Variants in NBAS observed in about 807,000 individuals in gnomAD.
NBAS encodes the protein NAG/BC035112 fusion.
NBAS carries 219 observed loss-of-function variants against 302.5 expected under a neutral mutation model. The ratio of observed to expected loss-of-function variants is 0.72; its 90% confidence interval spans 0.65 to 0.81. NBAS has a LOEUF of 0.81. NBAS is among the 30% of genes least tolerant of loss of function. The pLI is 0.00. For synonymous variants in NBAS, 1,118 were observed against 1,021.6 expected, an observed-to-expected ratio of 1.09 and a Z score of -1.80; for missense variants, 2,932 against 2,841.6, an observed-to-expected ratio of 1.03 and a Z score of -0.72.
the NBAS span, among the ~76,000 whole-genome samples, chr2:15,098,074 G>GTATATAATA: frequency 0.056 from 2 of 36 alleles, 1 homozygote; most frequent in Non-Finnish European, 0.083. Context: ...ATATTATATT[G>GTATATAATA]TATATATTAT....
chr2:15,167,102 G>T lies in NBAS; in HGVS notation c.7062C>A (p.His2354Gln). The T allele has an allele frequency of 1.2e-6, 2 of 1,613,384 alleles. No individual in the cohort carries two copies. The highest frequency in any genetic ancestry group is 1.7e-6 in the Non-Finnish European group (2 of 1,179,488). Residue 2354 changes from histidine (H) to glutamine (Q), a missense_variant, in exon 52 of 52, where the codon CAC becomes CAA. Physicochemically the swap from His to Gln is conservative, Grantham distance 24. Transcript: ENST00000281513. ...GSLLLAVRGT[H>Q]QAFRTFSTAL... ...CTGTACTGAAGGTTCTGAAGGCCTG[G>T]TGAGTCCCCCTCACGGCCAGAAGGA...
chr2:15,515,009 C>G (rs1243103445), intron 9 of NBAS, among the ~76,000 whole-genome samples: 1 of 152,164 alleles, frequency 6.6e-6, no homozygotes, highest in Non-Finnish European at 1.5e-5. Flanking sequence ...TCCAATCAGA[C>G]AGATAGCAGC....
At chr2:14,871,238 AT>A in the NBAS span, among the ~76,000 whole-genome samples, 3 of 152,036 alleles carry the variant, frequency 2.0e-5, no homozygotes, top group African/African-American at 7.2e-5. Context: ...GAAAAAAAAA[AT>A]CTAAAGAAAA....
intron 40 of NBAS, 119 bp downstream of exon 40, chr2:15,308,097 T>C (rs1671109415): frequency 2.7e-6 from 4 of 1,480,926 alleles, no homozygotes; most frequent in Middle Eastern, 1.8e-4. Context: ...TGCCTGCCAC[T>C]TGGAATACAT....
intron 35 of NBAS, among the ~76,000 whole-genome samples, chr2:15,342,539 G>T (rs1176036352): frequency 6.6e-5 from 10 of 152,030 alleles, no homozygotes; most frequent in Admixed American, 6.6e-4. Context: ...CAGAAAATCT[G>T]TCTGTACTTA....
chr2:15,393,609 A>ATAAAT, intron 28 of NBAS: 1 of 453,370 alleles, frequency 2.2e-6, no homozygotes, highest in Non-Finnish European at 4.6e-6. Flanking sequence ...TTTGTCTGAG[A>ATAAAT]GAAATGAAAG....
the NBAS span, among the ~76,000 whole-genome samples, chr2:14,839,875 G>C: frequency 6.6e-6 from 1 of 151,716 alleles, no homozygotes; most frequent in Admixed American, 6.6e-5. Context: ...AGACACAAAG[G>C]TACATCCACA....
intron 48 of NBAS, among the ~76,000 whole-genome samples, chr2:15,211,405 T>C (rs1666404154): frequency 6.6e-6 from 1 of 152,254 alleles, no homozygotes; most frequent in African/African-American, 2.4e-5. Flanking sequence ...GTAGCTTTGT[T>C]ATCTTAGATG....
the NBAS span, among the ~76,000 whole-genome samples, chr2:14,807,440 CGTGTGTGTGTGTGA>C: frequency 2.3e-5 from 3 of 128,526 alleles, no homozygotes; most frequent in Admixed American, 7.6e-5. Context: ...TTTCAAATCC[CGTGTGTGTGTGTGA>C]GTGTGTGTGT....
Position 15,424,476 on chromosome 2 carries a change from G to A in NBAS, c.2424-8C>T. The A allele has an allele frequency of 2.5e-6, 4 of 1,613,932 alleles. No individual in the cohort carries two copies. Among genetic ancestry groups the A allele is most frequent in the Non-Finnish European group, 3.4e-6 (4 of 1,179,846 alleles). ...TTCGGCTCAACAACCATTCTGTGAA[G>A]CACAAAAGGACCAATTAATAACTGA... On this transcript the variant is annotated splice_polypyrimidine_tract_variant and splice_region_variant and intron_variant, in intron 22 of 51. Coordinates refer to ENST00000281513, the MANE Select transcript of NBAS (RefSeq NM_015909.4).
intron 48 of NBAS, among the ~76,000 whole-genome samples, chr2:15,208,280 A>C (rs1558438226): frequency 6.6e-6 from 1 of 152,200 alleles, no homozygotes; most frequent in African/African-American, 2.4e-5. Flanking sequence ...AAAACACCAG[A>C]TCTTATGAGA....
the NBAS span, among the ~76,000 whole-genome samples, chr2:14,937,891 G>T: frequency 1.3e-5 from 2 of 152,112 alleles, no homozygotes; most frequent in African/African-American, 4.8e-5. Context: ...AGCACTTTTG[G>T]AGGGCAAGGC....
the NBAS span, among the ~76,000 whole-genome samples, chr2:14,852,653 A>G: frequency 1.4e-5 from 2 of 142,992 alleles, no homozygotes; most frequent in East Asian, 2.0e-4. Context: ...GAGGCATCAC[A>G]CTACCTGACT....
the NBAS span, among the ~76,000 whole-genome samples, chr2:14,942,645 G>C: frequency 6.6e-6 from 1 of 152,146 alleles, no homozygotes; most frequent in Non-Finnish European, 1.5e-5. Context: ...GACTAATACA[G>C]ACTCTAACTC....
the NBAS span, among the ~76,000 whole-genome samples, chr2:15,006,185 T>G: frequency 1.3e-5 from 2 of 152,200 alleles, no homozygotes; most frequent in Admixed American, 1.3e-4. Context: ...GAGCACGTAT[T>G]ATAATAGAAA....
chr2:15,064,417 T>G, the NBAS span, among the ~76,000 whole-genome samples: 1 of 151,408 alleles, frequency 6.6e-6, no homozygotes, highest in African/African-American at 2.4e-5. Flanking sequence ...ATAACCTAGG[T>G]GAAATGTATA....
chr2:15,338,224 A>C (rs1672680898), intron 35 of NBAS, among the ~76,000 whole-genome samples: 1 of 152,172 alleles, frequency 6.6e-6, no homozygotes, highest in Non-Finnish European at 1.5e-5. Flanking sequence ...ATAAGGGTTA[A>C]TTTCTGAGAA....
chr2:15,447,113 T>C (rs1678790382), intron 21 of NBAS, among the ~76,000 whole-genome samples: 2 of 152,202 alleles, frequency 1.3e-5, no homozygotes, highest in African/African-American at 4.8e-5. Flanking sequence ...AAAATACCAA[T>C]GGGACAGTAG....
In NBAS at chr2:15,366,760, T is replaced by C. The variant is rs948621277; in HGVS notation, c.3704-67A>G. 13 of 1,382,032 alleles carry C rather than the reference T, an allele frequency of 9.4e-6. No homozygotes were observed. In the African/African-American group the frequency reaches 1.4e-4, roughly 15 times the overall value. The allele number at this position is 1,382,032 out of a possible 1,614,324, so 85.6% of individuals were successfully genotyped here. The stretch of plus-strand genomic sequence containing the variant: ...CACAAAAGGGTGTTAATGGCCTTCC[T>C]AATGCAAGGCATCCAAAGAAAATGA... On this transcript the variant is annotated intron_variant, in intron 31 of 51. Coordinates refer to ENST00000281513, the MANE Select transcript of NBAS (RefSeq NM_015909.4).
Sources: allele counts gnomAD v4.1 joint callset (sites outside exome capture counted in the v4.1 genomes callset), GRCh38; gene constraint gnomAD v4.1.1; transcripts MANE v1.5; gene names NCBI Gene and HGNC (gene_info 2026-07-23, HGNC 2026-07-21).